GUCY1A2: variants seen among roughly 807,000 people sequenced by gnomAD.
The protein encoded by GUCY1A2 is guanylate cyclase 1 soluble subunit alpha 2.
Under a neutral mutation model 63.5 loss-of-function variants are expected in GUCY1A2, and 27 were observed. That is an observed-to-expected ratio of 0.43 (90% CI 0.31 to 0.59). The LOEUF is 0.59. GUCY1A2 is among the 20% of genes least tolerant of loss of function. The pLI, the probability that GUCY1A2 is intolerant of heterozygous loss-of-function variation, is 0.11. For synonymous variants in GUCY1A2, 364 were observed against 343.5 expected (o/e 1.06, Z -0.66); for missense variants, 768 against 913.3 (o/e 0.84, Z 2.05).
At chr11:106,716,508 G>A (rs1238693714) in intron 6 of GUCY1A2, among the ~76,000 whole-genome samples, 2 of 151,982 alleles carry the variant, frequency 1.3e-5, no homozygotes, top group African/African-American at 2.4e-5. Context: ...TAGGCAATTC[G>A]CTTTCTCCCG....
intron 4 of GUCY1A2, among the ~76,000 whole-genome samples, chr11:106,810,801 A>G (rs1858752789): frequency 6.6e-6 from 1 of 152,166 alleles, no homozygotes; most frequent in Non-Finnish European, 1.5e-5. Context: ...TTATGAGCCA[A>G]TTCAAAAGCT....
chr11:107,011,526 AT>A lies in GUCY1A2; in HGVS notation c.303+6226del, dbSNP rs1031926489. Among the ~76,000 whole-genome samples, 10 of 147,214 alleles carry A rather than the reference AT, an allele frequency of 6.8e-5. No individual in the cohort carries two copies. The East Asian group carries it at 9.7e-4, about 14-fold the overall frequency. ...GGACTATATAATATATATAAAATAT[AT>A]TTTTAATATATTAAATATATAAATA... On this transcript the variant is annotated intron_variant, in intron 1 of 7. Transcript: ENST00000526355.
At chr11:106,789,775 G>A (rs1864625548) in intron 5 of GUCY1A2, among the ~76,000 whole-genome samples, 1 of 152,130 alleles carries the variant, frequency 6.6e-6, no homozygotes, top group Admixed American at 6.5e-5. Context: ...CCACCTTGGT[G>A]GTCTTGGATA....
Position 106,944,215 on chromosome 11 carries a change from C to CAAAAAAAAAAAAAAAA in GUCY1A2, c.488-4053_488-4038dup, listed in dbSNP as rs71041701. Among the ~76,000 whole-genome samples, 171 of 21,560 alleles carry CAAAAAAAAAAAAAAAA rather than the reference C, an allele frequency of 7.9e-3. 29 individuals carry two copies. The highest frequency in any genetic ancestry group is 0.01 in the African/African-American group (45 of 4,296). The allele number at this position is 21,560 out of a possible 152,430, so 14.1% of individuals were successfully genotyped here. A position where few individuals can be genotyped will look rare whatever the true frequency, so the allele number is the denominator to read the frequency against. On this transcript the variant is annotated intron_variant, in intron 3 of 7. Coordinates refer to ENST00000526355, the MANE Select transcript of GUCY1A2 (RefSeq NM_000855.3). ...GGGCAACAGAGTGAGACCCTGTCTC[C>CAAAAAAAAAAAAAAAA]AAAAAAAAAAAAAAAAAAAAAGCAG... is the stretch of plus-strand genomic sequence containing the variant.
chr11:106,938,670 G>A (rs1344544821), intron 4 of GUCY1A2, among the ~76,000 whole-genome samples: 1 of 151,892 alleles, frequency 6.6e-6, no homozygotes, highest in African/African-American at 2.4e-5. Flanking sequence ...AAAAATCATG[G>A]TTTATTTTTC....
chr11:106,981,952 T>C (rs1017830772), intron 2 of GUCY1A2, among the ~76,000 whole-genome samples: 9 of 152,202 alleles, frequency 5.9e-5, no homozygotes, highest in African/African-American at 2.2e-4. Context: ...ACAGTAGTAA[T>C]AATAATTCAA....
intron 3 of GUCY1A2, among the ~76,000 whole-genome samples, chr11:106,953,132 T>G (rs555211020): frequency 6.6e-6 from 1 of 152,336 alleles, no homozygotes; most frequent in East Asian, 1.9e-4. Context: ...TGCTTCTAGC[T>G]TTTGCCCATT....
At chr11:106,824,488 G>T (rs1255327670) in intron 4 of GUCY1A2, among the ~76,000 whole-genome samples, 1 of 152,026 alleles carries the variant, frequency 6.6e-6, no homozygotes, top group Non-Finnish European at 1.5e-5. Context: ...TAGTTGAGAA[G>T]TCTGTTTCTG....
At chr11:106,895,603 T>A (rs917955408) in intron 4 of GUCY1A2, among the ~76,000 whole-genome samples, 3 of 152,156 alleles carry the variant, frequency 2.0e-5, no homozygotes, top group Admixed American at 6.6e-5. Context: ...CCTTTGTTCC[T>A]GCTTCACCTT....
chr11:106,799,463 A>G (rs1864829502), intron 5 of GUCY1A2, among the ~76,000 whole-genome samples: 1 of 152,246 alleles, frequency 6.6e-6, no homozygotes, highest in African/African-American at 2.4e-5. Flanking sequence ...ACAAAGCTGG[A>G]TGCATCACAC....
intron 6 of GUCY1A2, among the ~76,000 whole-genome samples, chr11:106,722,039 T>C (rs1863325886): frequency 6.6e-6 from 1 of 152,170 alleles, no homozygotes; most frequent in African/African-American, 2.4e-5. Context: ...AATCTTTAAA[T>C]GTTTGTTGAT....
intron 6 of GUCY1A2, among the ~76,000 whole-genome samples, chr11:106,731,101 G>C (rs1333712560): frequency 6.6e-6 from 1 of 151,978 alleles, no homozygotes; most frequent in Non-Finnish European, 1.5e-5. Context: ...AGTTTAATTA[G>C]ATCTCCTTTG....
intron 6 of GUCY1A2, among the ~76,000 whole-genome samples, chr11:106,773,552 G>A (rs1437221301): frequency 6.6e-6 from 1 of 152,184 alleles, no homozygotes; most frequent in Non-Finnish European, 1.5e-5. Flanking sequence ...GAGAGGAAAT[G>A]CTGGGTTGTA....
At chr11:106,861,798 TA>T in intron 4 of GUCY1A2, among the ~76,000 whole-genome samples, 2 of 152,172 alleles carry the variant, frequency 1.3e-5, no homozygotes, top group Non-Finnish European at 2.9e-5. Flanking sequence ...AAAACACTTT[TA>T]TCTCATTTTT....
At chr11:107,017,526 CA>C (rs779867442) in intron 1 of GUCY1A2, among the ~76,000 whole-genome samples, 1 of 152,216 alleles carries the variant, frequency 6.6e-6, no homozygotes, top group Non-Finnish European at 1.5e-5. Flanking sequence ...CAGGATACCC[CA>C]AAGGAGTGGA....
At chr11:106,937,533 A>C (rs542150417) in intron 4 of GUCY1A2, among the ~76,000 whole-genome samples, 1 of 152,334 alleles carries the variant, frequency 6.6e-6, no homozygotes, top group African/African-American at 2.4e-5. Flanking sequence ...CTAAAGGCCA[A>C]AAATGCTTCA....
intron 4 of GUCY1A2, among the ~76,000 whole-genome samples, chr11:106,892,372 C>G (rs376079389): frequency 2.4e-4 from 36 of 152,140 alleles, no homozygotes; most frequent in African/African-American, 8.2e-4. Context: ...TTGCGGTCAT[C>G]ATCCTAGCCA....
At chr11:106,982,772 C>T (rs1400407278) in intron 2 of GUCY1A2, among the ~76,000 whole-genome samples, 2 of 152,070 alleles carry the variant, frequency 1.3e-5, no homozygotes, top group Non-Finnish European at 2.9e-5. Context: ...GAGAAACCAA[C>T]AGAAGGTTGA....
At chr11:106,689,677 C>T (rs975537592) in intron 7 of GUCY1A2, among the ~76,000 whole-genome samples, 2 of 152,062 alleles carry the variant, frequency 1.3e-5, no homozygotes, top group African/African-American at 4.8e-5. Flanking sequence ...CCATTTAACA[C>T]CAGTCAGAAT....
Sources: gnomAD v4.1 joint callset for allele counts (sites outside exome capture counted in the v4.1 genomes callset) on GRCh38, gnomAD v4.1.1 for gene constraint, MANE v1.5 for transcripts, NCBI Gene and HGNC (gene_info 2026-07-23, HGNC 2026-07-21) for gene names.